The following PHACTR3 variants were observed in gnomAD, a reference collection of about 807,000 sequenced individuals.
PHACTR3 encodes phosphatase and actin regulator 3.
A neutral mutation model predicts 66.8 loss-of-function variants in PHACTR3; 16 were observed. That is an observed-to-expected ratio of 0.24 (90% CI 0.16 to 0.36). The LOEUF is 0.36. Among genes scored for constraint, PHACTR3 ranks in the 10% least tolerant of loss-of-function variants. The pLI, the probability that PHACTR3 is intolerant of heterozygous loss-of-function variation, is 1.00. For synonymous variants in PHACTR3, 323 were observed against 292.1 expected, an observed-to-expected ratio of 1.11 and a Z score of -1.08; for missense variants, 647 against 719.9, an observed-to-expected ratio of 0.90 and a Z score of 1.16.
chr20:59,631,909 C>T (rs2034678827), intron 1 of PHACTR3, among the ~76,000 whole-genome samples: 1 of 152,178 alleles, frequency 6.6e-6, no homozygotes, highest in African/African-American at 2.4e-5. Context: ...TTCCCAGAAG[C>T]CCCTGTAGAG....
intron 1 of PHACTR3, among the ~76,000 whole-genome samples, chr20:59,729,574 A>G (rs943530037): frequency 6.6e-6 from 1 of 152,114 alleles, no homozygotes; most frequent in African/African-American, 2.4e-5. Flanking sequence ...GGGCACAGAG[A>G]AAGTGGTTCC....
intron 9 of PHACTR3, among the ~76,000 whole-genome samples, chr20:59,838,917 T>C (rs567953442): frequency 2.2e-4 from 33 of 152,200 alleles, no homozygotes; most frequent in Admixed American, 1.8e-3. Context: ...GGAGGACTTC[T>C]TGGAGGAGGT....
chr20:59,615,871 T>C (rs1194502309), intron 1 of PHACTR3, among the ~76,000 whole-genome samples: 1 of 152,162 alleles, frequency 6.6e-6, no homozygotes, highest in East Asian at 1.9e-4. Context: ...CATATGTAGA[T>C]ACAGGAGAGG....
At chr20:59,588,474 T>G (rs931139346) in intron 1 of PHACTR3, among the ~76,000 whole-genome samples, 1 of 152,128 alleles carries the variant, frequency 6.6e-6, no homozygotes, top group Non-Finnish European at 1.5e-5. Context: ...CCAACACCCT[T>G]CCAGGAGAGG....
intron 1 of PHACTR3, among the ~76,000 whole-genome samples, chr20:59,741,253 A>C (rs1249800702): frequency 6.6e-6 from 1 of 152,184 alleles, no homozygotes; most frequent in Non-Finnish European, 1.5e-5. Context: ...CTGGCTGTGG[A>C]ACTGACCACG....
At chr20:59,666,622 CAG>C (rs1400330793) in intron 1 of PHACTR3, among the ~76,000 whole-genome samples, 2 of 150,966 alleles carry the variant, frequency 1.3e-5, no homozygotes, top group Non-Finnish European at 3.0e-5. Flanking sequence ...GAGACAGAGA[CAG>C]AGGAAGAAAG....
intron 1 of PHACTR3, among the ~76,000 whole-genome samples, chr20:59,643,320 T>C (rs1322784199): frequency 6.6e-6 from 1 of 152,020 alleles, no homozygotes; most frequent in East Asian, 1.9e-4. Flanking sequence ...ATTTGTAGTA[T>C]TTTTTTTCCC....
intron 1 of PHACTR3, among the ~76,000 whole-genome samples, chr20:59,722,441 G>A (rs1231018064): frequency 1.3e-5 from 2 of 152,138 alleles, no homozygotes; most frequent in African/African-American, 4.8e-5. Context: ...GGCACGATCA[G>A]GGACTTCCCT....
intron 2 of PHACTR3, among the ~76,000 whole-genome samples, chr20:59,744,901 G>A (rs751523173): frequency 6.6e-6 from 1 of 152,190 alleles, no homozygotes; most frequent in African/African-American, 2.4e-5. Flanking sequence ...AGACTCCGGC[G>A]AGGCTGCAAG....
At chr20:59,639,778 C>T (rs2035035626) in intron 1 of PHACTR3, among the ~76,000 whole-genome samples, 2 of 152,124 alleles carry the variant, frequency 1.3e-5, no homozygotes, top group Non-Finnish European at 2.9e-5. Flanking sequence ...TGTTAATTCC[C>T]CTTATCTGAC....
chr20:59,630,265 C>T (rs529984742), intron 1 of PHACTR3, among the ~76,000 whole-genome samples: 4 of 84,200 alleles, frequency 4.8e-5, no homozygotes, highest in East Asian at 7.0e-4. Context: ...TCACTGCAAC[C>T]TCTGCCTCCC....
chr20:59,806,129 T>G lies in PHACTR3; in HGVS notation c.1263T>G (p.Ile421Met). The change falls in exon 8 of 13, where the codon ATT becomes ATG. Residue 421 changes from isoleucine (I) to methionine (M), a missense_variant. Coordinates refer to ENST00000371015, the MANE Select transcript of PHACTR3 (RefSeq NM_080672.5). Reference sequence around the variant, plus strand: ...AACAGGAACTAGAAGACCGGAACATTTTCCCCAGAAGGACTGATGAAGAAA... The same window carrying G: ...AACAGGAACTAGAAGACCGGAACATGTTCCCCAGAAGGACTGATGAAGAAA... ...PSKQELEDRN[I>M]FPRRTDEERQ... 6.2e-7 allele frequency: 1 copy of G among 1,614,208 alleles called. No homozygotes were observed. Among genetic ancestry groups the G allele is most frequent in the Non-Finnish European group, 8.5e-7 (1 of 1,180,046 alleles).
intron 1 of PHACTR3, among the ~76,000 whole-genome samples, chr20:59,653,066 G>A (rs2035506180): frequency 6.6e-6 from 1 of 152,080 alleles, no homozygotes; most frequent in Non-Finnish European, 1.5e-5. Context: ...GAATTTTAAA[G>A]TGTGTAAATA....
At position 59,658,337 on chromosome 20, in the gene PHACTR3, A is replaced by T. The variant is rs1005243107; in HGVS notation, c.118+53205A>T. Among the ~76,000 whole-genome samples the T allele has an allele frequency of 1.2e-4, 18 of 151,510 alleles. 1 individual carries two copies. The highest frequency in any genetic ancestry group is 1.9e-4 in the Non-Finnish European group (13 of 67,894). ...CAGCTTCTTTTGAATGCTTTTTTTT[A>T]AATGTATTTGTTGCACTTTCCTGTG... is the stretch of plus-strand genomic sequence containing the variant. On this transcript the variant is annotated intron_variant, in intron 1 of 12. Coordinates refer to ENST00000371015, the MANE Select transcript of PHACTR3 (RefSeq NM_080672.5).
intron 8 of PHACTR3, among the ~76,000 whole-genome samples, chr20:59,823,731 C>T (rs1195902425): frequency 6.6e-6 from 1 of 152,208 alleles, no homozygotes; most frequent in Non-Finnish European, 1.5e-5. Flanking sequence ...CCCCAGATCT[C>T]ACTTCTCTCT....
chr20:59,846,727 T>G (rs2059156670), intron 12 of PHACTR3, among the ~76,000 whole-genome samples: 1 of 152,162 alleles, frequency 6.6e-6, no homozygotes, highest in African/African-American at 2.4e-5. Flanking sequence ...TTATGAGATT[T>G]TAAGAGTTTT....
chr20:59,826,771 T>C lies in PHACTR3; in HGVS notation c.1329-9734T>C, dbSNP rs1170796491. On this transcript the variant is annotated intron_variant, in intron 8 of 12. Coordinates refer to ENST00000371015, the MANE Select transcript of PHACTR3 (RefSeq NM_080672.5). ...GCAGGGTGCGTCTCTCCCTCCTCTT[T>C]GCACACATGTTCTTGGCCTTTCTTC... 3.9e-5 allele frequency among the ~76,000 whole-genome samples: 6 copies of C among 152,310 alleles called. No individual in the cohort carries two copies. The East Asian group carries it at 1.2e-3, about 29-fold the overall frequency.
intron 1 of PHACTR3, among the ~76,000 whole-genome samples, chr20:59,583,068 G>A (rs1005680707): frequency 4.6e-5 from 7 of 152,138 alleles, no homozygotes; most frequent in South Asian, 2.1e-4. Context: ...GTCCTCAGCC[G>A]GGGGCATACC....
At chr20:59,772,584 G>T (rs1053726011) in intron 5 of PHACTR3, among the ~76,000 whole-genome samples, 2 of 152,212 alleles carry the variant, frequency 1.3e-5, no homozygotes, top group Non-Finnish European at 2.9e-5. Flanking sequence ...GACTCAGGTT[G>T]GACGGAGTGT....
Sources: allele counts gnomAD v4.1 joint callset (sites outside exome capture counted in the v4.1 genomes callset), GRCh38; gene constraint gnomAD v4.1.1; transcripts MANE v1.5; gene names NCBI Gene and HGNC (gene_info 2026-07-23, HGNC 2026-07-21).